Variants in OR9Q1 observed in about 807,000 individuals in gnomAD.
OR9Q1 encodes olfactory receptor family 9 subfamily Q member 1, also known as olfactory receptor 9Q1.
For missense variants in OR9Q1, 374 were observed against 378.8 expected (o/e 0.99, Z 0.11); for synonymous variants, 153 against 148.6 (o/e 1.03, Z -0.22).
intron 2 of OR9Q1, chr11:58,117,384 A>G (rs1438877060): frequency 1.3e-5 from 2 of 151,470 alleles, no homozygotes; most frequent in Non-Finnish European, 2.9e-5. Flanking sequence ...TCTTTGACTC[A>G]TGAGGAAGTA....
rs373059204 is a variant in OR9Q1, at chr11:58,111,109, T to C, written c.-15+55162T>C. Among the ~76,000 whole-genome samples, 420 of 152,306 alleles carry C rather than the reference T, an allele frequency of 2.8e-3. 20 individuals are homozygous for C. The South Asian group carries it at 0.082, about 30-fold the overall frequency. On this transcript the variant is annotated intron_variant, in intron 2 of 2. Coordinates refer to ENST00000335397, the MANE Select transcript of OR9Q1 (RefSeq NM_001005212.4). The stretch of plus-strand genomic sequence containing the variant: ...AAGAATACCAGATTCACCAAATTCC[T>C]AATAATTAACAACTCCACTAATGTG...
intron 2 of OR9Q1, among the ~76,000 whole-genome samples, chr11:58,121,949 T>C (rs1854036991): frequency 6.6e-6 from 1 of 152,178 alleles, no homozygotes; most frequent in African/African-American, 2.4e-5. Context: ...TAATGACTTG[T>C]CCAAAAGTCA....
intron 2 of OR9Q1, among the ~76,000 whole-genome samples, chr11:58,083,655 C>T (rs1468477227): frequency 1.3e-5 from 2 of 150,132 alleles, no homozygotes; most frequent in African/African-American, 5.0e-5. Context: ...AGGTAAGGGT[C>T]CAGTTTCATT....
chr11:58,082,299 A>G (rs896050731), intron 2 of OR9Q1, among the ~76,000 whole-genome samples: 1 of 152,188 alleles, frequency 6.6e-6, no homozygotes, highest in Admixed American at 6.5e-5. Flanking sequence ...ATGCACAAGT[A>G]TGTTTATTGT....
Position 58,181,551 on chromosome 11 carries a change from T to C in OR9Q1, c.*1174T>C, listed in dbSNP as rs1854666196. 6.5e-6 allele frequency: 1 copy of C among 153,646 alleles called. No individual in the cohort carries two copies. Among genetic ancestry groups the C allele is most frequent in the Non-Finnish European group, 1.5e-5 (1 of 66,540 alleles). 9.5% of individuals were successfully genotyped at this position (153,646 alleles called of 1,614,324 possible). ...CCTGGAACTCAAACTTCTTTTCCTG[T>C]CTCCTGGATTACTAAAAAAAAAAAA... On this transcript the variant is annotated 3_prime_UTR_variant, in exon 3 of 3. Transcript: ENST00000335397.
At position 58,034,523 on chromosome 11, in the gene OR9Q1, A is replaced by G. The variant is rs1381785695; in HGVS notation, c.-93+10419A>G. Among the ~76,000 whole-genome samples, 4 of 152,318 alleles carry G rather than the reference A, an allele frequency of 2.6e-5. No individual in the cohort carries two copies. The South Asian group carries it at 6.2e-4, about 24-fold the overall frequency. On this transcript the variant is annotated intron_variant, in intron 1 of 2. Coordinates refer to ENST00000335397, the MANE Select transcript of OR9Q1 (RefSeq NM_001005212.4). ...TTATAAAATTCAAATTTCAGCGCCC[A>G]TAAATCAAGCTTAATTAGAACATAG...
chr11:58,093,759 C>CAAAAAAAAAAAAAAAAAAAAA (rs71061572), intron 2 of OR9Q1, among the ~76,000 whole-genome samples: 2 of 35,544 alleles, frequency 5.6e-5, no homozygotes, highest in Non-Finnish European at 1.1e-4. Context: ...GACTTCATCT[C>CAAAAAAAAAAAAAAAAAAAAA]AAAAAAAAAA....
chr11:58,118,611 A>T, intron 2 of OR9Q1: 1 of 1,614,040 alleles, frequency 6.2e-7, no homozygotes, highest in Non-Finnish European at 8.5e-7. Context: ...TGACCACTGT[A>T]TAGAAGACAG....
intron 2 of OR9Q1, 57 bp downstream of exon 2, chr11:58,056,004 G>T (rs1168215767): frequency 6.6e-6 from 1 of 152,106 alleles, no homozygotes; most frequent in Non-Finnish European, 1.5e-5. Context: ...CTTTGTTATA[G>T]CAGCACAAAT....
intron 2 of OR9Q1, among the ~76,000 whole-genome samples, chr11:58,097,254 G>T (rs933525391): frequency 3.9e-5 from 6 of 152,168 alleles, no homozygotes; most frequent in Admixed American, 3.9e-4. Context: ...ACACATTTGG[G>T]TTGTCTTCAG....
chr11:58,150,008 T>C (rs995912970), intron 2 of OR9Q1, among the ~76,000 whole-genome samples: 3 of 152,208 alleles, frequency 2.0e-5, no homozygotes, highest in Admixed American at 6.5e-5. Flanking sequence ...TTGGATCATA[T>C]GGTAAATCTA....
rs552945206 is a variant in OR9Q1, at chr11:58,058,811, A to T, written c.-15+2864A>T. 1.1e-4 allele frequency among the ~76,000 whole-genome samples: 16 copies of T among 152,258 alleles called. No individual in the cohort carries two copies. In the East Asian group the frequency reaches 2.9e-3, roughly 28 times the overall value. ...CTCAAAGTTGCTGTTGTCATAACTG[A>T]CCAGGCCTACTCAGGTCCAGTTAAA... On this transcript the variant is annotated intron_variant, in intron 2 of 2. Transcript: ENST00000335397.
intron 2 of OR9Q1, among the ~76,000 whole-genome samples, chr11:58,158,121 A>G (rs1231685487): frequency 6.6e-6 from 1 of 152,086 alleles, no homozygotes; most frequent in Non-Finnish European, 1.5e-5. Context: ...CTTCATTCTC[A>G]TGTCTCTGGG....
intron 1 of OR9Q1, among the ~76,000 whole-genome samples, chr11:58,042,447 G>C (rs1853174700): frequency 6.6e-6 from 1 of 151,802 alleles, no homozygotes; most frequent in Non-Finnish European, 1.5e-5. Flanking sequence ...TCAAAGATCA[G>C]ATAGTTGTAG....
intron 2 of OR9Q1, among the ~76,000 whole-genome samples, chr11:58,093,486 G>A (rs1310459866): frequency 2.6e-5 from 4 of 152,204 alleles, no homozygotes; most frequent in African/African-American, 7.2e-5. Context: ...TCTCATACCA[G>A]TCTGAATGGC....
At chr11:58,076,808 T>A (rs1008728377) in intron 2 of OR9Q1, among the ~76,000 whole-genome samples, 2 of 152,136 alleles carry the variant, frequency 1.3e-5, no homozygotes, top group Non-Finnish European at 2.9e-5. Flanking sequence ...TTAAAATCAA[T>A]GAAACAATAA....
In OR9Q1 at chr11:58,088,038, C is replaced by T. The variant is rs1853650028; in HGVS notation, c.-15+32091C>T. ...GAGTATCTGGGATTACAGGGGCACA[C>T]CTGTAGAGGCCAGGCTGGTTTCGAA... On this transcript the variant is annotated intron_variant, in intron 2 of 2. Coordinates refer to ENST00000335397, the MANE Select transcript of OR9Q1 (RefSeq NM_001005212.4). Among the ~76,000 whole-genome samples, 2 of 151,806 alleles carry T rather than the reference C, an allele frequency of 1.3e-5. 1 individual carries two copies. Among genetic ancestry groups the T allele is most frequent in the African/African-American group, 4.9e-5 (2 of 41,142 alleles).
intron 1 of OR9Q1, chr11:58,041,669 A>G (rs1853164717): frequency 1.3e-5 from 2 of 152,334 alleles, no homozygotes; most frequent in Admixed American, 6.5e-5. Context: ...CACTTCTGAC[A>G]TGCAACACTA....
intron 2 of OR9Q1, among the ~76,000 whole-genome samples, chr11:58,068,380 G>A (rs1388133822): frequency 6.6e-6 from 1 of 151,626 alleles, no homozygotes; most frequent in African/African-American, 2.4e-5. Context: ...AAAGGCCCGG[G>A]AAACCCAATG....
Sources: gnomAD v4.1 joint callset for allele counts (sites outside exome capture counted in the v4.1 genomes callset) on GRCh38, gnomAD v4.1.1 for gene constraint, MANE v1.5 for transcripts, NCBI Gene and HGNC (gene_info 2026-07-23, HGNC 2026-07-21) for gene names.